PCDHGB4: variants seen among roughly 807,000 people sequenced by gnomAD.
PCDHGB4 encodes protocadherin gamma subfamily B, 4, also known as protocadherin gamma-B4.
Under a neutral mutation model 60.5 loss-of-function variants are expected in PCDHGB4, and 38 were observed. The ratio of observed to expected loss-of-function variants is 0.63; its 90% CI spans 0.48 to 0.82. The LOEUF (loss-of-function observed/expected upper bound fraction) is 0.82, where lower values mean the gene tolerates loss of function less well. Ranked by LOEUF, PCDHGB4 falls within the 40% of genes least tolerant of loss-of-function variation. The probability of loss-of-function intolerance (pLI) is 0.00; values close to 1 mark genes in which losing one functional copy is unlikely to be tolerated. For missense variants in PCDHGB4, 1,109 were observed against 1,209.6 expected (o/e 0.92, Z 1.23); for synonymous variants, 456 against 509.7 (o/e 0.89, Z 1.42).
intron 1 of PCDHGB4, chr5:141,410,860 T>TTTTTTTTTTTTTTTTTTG: frequency 2.3e-6 from 1 of 442,030 alleles, no homozygotes; most frequent in Non-Finnish European, 3.7e-6. Flanking sequence ...TTTTTTTTTT[T>TTTTTTTTTTTTTTTTTTG]TTTTTTTTTT....
In PCDHGB4 at chr5:141,491,365, T is replaced by A. The variant is rs201011046; in HGVS notation, c.2398-3442T>A. ...CGTCAGTCTCTTATCCCTAGTCACC[T>A]TCACCTTTCTGTCAGCGAAGTGCCT... On this transcript the variant is annotated intron_variant, in intron 1 of 3. Transcript: ENST00000519479. This position sits in a 1 kb window ranked among gnomAD's most constrained non-coding sequence, Gnocchi z 6.9. 1.7e-5 allele frequency: 27 copies of A among 1,614,016 alleles called. No individual in the cohort carries two copies. The highest frequency in any genetic ancestry group is 2.0e-5 in the Non-Finnish European group (24 of 1,179,982).
chr5:141,431,610 T>A lies in PCDHGB4; in HGVS notation c.2397+41329T>A. The stretch of plus-strand genomic sequence containing the variant: ...GAAGTGAGGTATTCCTTCCGGTATG[T>A]GGACGACAAGGCGGCCCAAGTTTTC... On this transcript the variant is annotated intron_variant, in intron 1 of 3. Transcript: ENST00000519479. The surrounding 1 kb of genome is among the most constrained non-coding windows in gnomAD (Gnocchi z 4.8). 6.2e-7 allele frequency: 1 copy of A among 1,614,238 alleles called. No homozygotes were observed. Among genetic ancestry groups the A allele is most frequent in the Non-Finnish European group, 8.5e-7 (1 of 1,180,034 alleles).
intron 3 of PCDHGB4, chr5:141,506,955 C>T (rs1387377785): frequency 2.6e-5 from 4 of 152,362 alleles, no homozygotes; most frequent in South Asian, 2.1e-4. Context: ...AATGAATCCT[C>T]TCAATAGCTC....
chr5:141,405,120 A>G (rs1223444295), intron 1 of PCDHGB4: 2 of 1,613,938 alleles, frequency 1.2e-6, no homozygotes, highest in Non-Finnish European at 1.7e-6. Context: ...CACTCCTCGC[A>G]TCTGCTGCGG....
At chr5:141,450,190 G>A (rs1368992094) in intron 1 of PCDHGB4, among the ~76,000 whole-genome samples, 1 of 151,588 alleles carries the variant, frequency 6.6e-6, no homozygotes, top group African/African-American at 2.4e-5. Flanking sequence ...GCTAATTTTT[G>A]TATTTTTAGT....
chr5:141,425,242 G>A (rs2096863400), intron 1 of PCDHGB4, among the ~76,000 whole-genome samples: 1 of 152,128 alleles, frequency 6.6e-6, no homozygotes, highest in South Asian at 2.1e-4. Context: ...TAAATAAAAA[G>A]GATATGAGGT....
chr5:141,491,795 C>G lies in PCDHGB4; in HGVS notation c.2398-3012C>G. The G allele has an allele frequency of 6.6e-7, 1 of 1,511,694 alleles. No individual in the cohort carries two copies. The highest frequency in any genetic ancestry group is 8.8e-7 in the Non-Finnish European group (1 of 1,130,430). The allele number at this position is 1,511,694 out of a possible 1,614,324, so 93.6% of individuals were successfully genotyped here. On this transcript the variant is annotated intron_variant, in intron 1 of 3. Transcript: ENST00000519479. The surrounding 1 kb of genome is among the most constrained non-coding windows in gnomAD (Gnocchi z 6.9). ...GGATTGAACTTGCATCCACTCCTCT[C>G]CGGCCGGCTTGGTCGCTGGCTGCGC...
intron 1 of PCDHGB4, among the ~76,000 whole-genome samples, chr5:141,450,777 G>A (rs907160074): frequency 1.3e-5 from 2 of 150,004 alleles, no homozygotes; most frequent in East Asian, 2.0e-4. Context: ...ATGAGCCACC[G>A]TGCCCGGACC....
At chr5:141,499,679 T>G (rs2099793341) in intron 2 of PCDHGB4, among the ~76,000 whole-genome samples, 1 of 150,922 alleles carries the variant, frequency 6.6e-6, no homozygotes, top group South Asian at 2.1e-4. Context: ...CCACCATCTT[T>G]AACAGATGAC....
chr5:141,460,951 G>GTA (rs200454978), intron 1 of PCDHGB4, among the ~76,000 whole-genome samples: 2,366 of 139,742 alleles, frequency 0.017, 20 homozygotes, highest in Middle Eastern at 0.037. Flanking sequence ...TATGTATTAT[G>GTA]TATATATATA....
chr5:141,424,055 C>A, intron 1 of PCDHGB4: 2 of 1,007,784 alleles, frequency 2.0e-6, no homozygotes, highest in Non-Finnish European at 1.2e-6. Context: ...TTTTGCTGTG[C>A]CTTCACTGAT....
chr5:141,393,085 ATCGGGAGGAGC>A (rs2092673421), intron 1 of PCDHGB4: 1 of 1,613,542 alleles, frequency 6.2e-7, no homozygotes, highest in African/African-American at 1.3e-5. Flanking sequence ...GGCAGGATAG[ATCGGGAGGAGC>A]TCTGCGCTCA....
chr5:141,492,829 C>T (rs2099744241), intron 1 of PCDHGB4, among the ~76,000 whole-genome samples: 1 of 152,232 alleles, frequency 6.6e-6, no homozygotes, highest in Non-Finnish European at 1.5e-5. Context: ...CGGCCCCTTC[C>T]TCCCGCAGGA....
chr5:141,390,332 A>T, intron 1 of PCDHGB4, 51 bp downstream of exon 1: 1 of 1,600,116 alleles, frequency 6.2e-7, no homozygotes, highest in Non-Finnish European at 8.5e-7. Flanking sequence ...CCATTTCTCC[A>T]TATTCACAAG....
At chr5:141,505,347 T>C in intron 2 of PCDHGB4, 46 bp from the exon 3 acceptor site, 4 of 1,613,346 alleles carry the variant, frequency 2.5e-6, no homozygotes, top group Non-Finnish European at 2.5e-6. Context: ...GGGCATGAGC[T>C]GTGCCGGCCT....
chr5:141,461,921 T>G (rs2099026403), intron 1 of PCDHGB4, among the ~76,000 whole-genome samples: 1 of 152,222 alleles, frequency 6.6e-6, no homozygotes, highest in Non-Finnish European at 1.5e-5. Flanking sequence ...CCTCCTGGGT[T>G]CCAGCAATTC....
In PCDHGB4 at chr5:141,389,622, G is replaced by C; in HGVS notation, c.1738G>C (p.Ala580Pro). Residue 580 changes from alanine (A) to proline (P), a missense_variant, in exon 1 of 4, where the codon GCA (alanine) becomes CCA (proline). Transcript: ENST00000519479. ...GCTCTTCGATATGGTGCCGCACGCT[G>C]CAGAGCCTGGCTACTTGGTGACCAA... ...SALFDMVPHAAEPGYLVTKVV... is the reference protein window; with the variant it reads ...SALFDMVPHAPEPGYLVTKVV... 6.2e-7 allele frequency: 1 copy of C among 1,612,970 alleles called. No individual in the cohort carries two copies. The highest frequency in any genetic ancestry group is 1.1e-5 in the South Asian group (1 of 91,056).
intron 1 of PCDHGB4, chr5:141,395,745 T>C (rs2093305954): frequency 6.5e-6 from 1 of 153,196 alleles, no homozygotes; most frequent in African/African-American, 2.4e-5. Context: ...AAACCTCTTT[T>C]CTGAGCCCTG....
chr5:141,420,415 TAAAAC>T, intron 1 of PCDHGB4: 1 of 1,217,298 alleles, frequency 8.2e-7, no homozygotes, highest in Non-Finnish European at 1.1e-6. Flanking sequence ...TTATCATTAT[TAAAAC>T]AAAAGTTTAA....
Sources: gnomAD v4.1 joint callset for allele counts (sites outside exome capture counted in the v4.1 genomes callset) on GRCh38, gnomAD v4.1.1 for gene constraint, Gnocchi (gnomAD v3.1) non-coding constraint, MANE v1.5 for transcripts, NCBI Gene and HGNC (gene_info 2026-07-23, HGNC 2026-07-21) for gene names.